RBKS: variants seen among roughly 807,000 people sequenced by gnomAD.
The protein encoded by RBKS is ribokinase.
RBKS carries 33 observed loss-of-function variants against 33.9 expected under a neutral mutation model. The ratio of observed to expected loss-of-function variants is 0.97; its 90% CI spans 0.74 to 1.30. RBKS has a LOEUF of 1.30. Among genes scored for constraint, RBKS ranks in the 50% most tolerant of loss-of-function variants. RBKS has a pLI of 0.00. For missense variants in RBKS, 361 were observed against 392.6 expected, an observed-to-expected ratio of 0.92 and a Z score of 0.68; for synonymous variants, 125 against 143.0, an observed-to-expected ratio of 0.87 and a Z score of 0.90.
intron 4 of RBKS, among the ~76,000 whole-genome samples, chr2:27,843,465 A>G (rs957818997): frequency 8.5e-5 from 13 of 152,214 alleles, no homozygotes; most frequent in African/African-American, 2.9e-4. Context: ...TCTTAAAAAG[A>G]TTTTCCCAAT....
chr2:27,860,932 TG>T (rs1468681938), intron 1 of RBKS, among the ~76,000 whole-genome samples: 1 of 152,142 alleles, frequency 6.6e-6, no homozygotes, highest in African/African-American at 2.4e-5. Flanking sequence ...AACAGATTTT[TG>T]TAAGAGTCTC....
intron 7 of RBKS, chr2:27,782,746 A>G: frequency 2.9e-6 from 1 of 346,724 alleles, no homozygotes; most frequent in Non-Finnish European, 6.3e-6. Context: ...CCCTTTTTTC[A>G]TGTTGTACTC....
intron 1 of RBKS, among the ~76,000 whole-genome samples, chr2:27,871,513 C>A (rs6734713): frequency 6.6e-6 from 1 of 152,090 alleles, no homozygotes; most frequent in African/African-American, 2.4e-5. Flanking sequence ...GTCTTTCCCC[C>A]CTTTTCAAAG....
intron 5 of RBKS, among the ~76,000 whole-genome samples, chr2:27,836,705 C>A (rs563067344): frequency 9.2e-5 from 14 of 152,204 alleles, no homozygotes; most frequent in African/African-American, 3.4e-4. Context: ...ATAGAGTAAA[C>A]AGAAAACCTA....
intron 7 of RBKS, among the ~76,000 whole-genome samples, chr2:27,819,270 T>C (rs1678153075): frequency 6.6e-6 from 1 of 151,998 alleles, no homozygotes; most frequent in Non-Finnish European, 1.5e-5. Flanking sequence ...CTCACATGAC[T>C]CTTTGTGTGC....
rs1340451789 is a variant in RBKS, at chr2:27,810,800, A to G, written c.795+16767T>C. ...CAGGCTGCCACCATCTCTCACCCAGATCAATACGACAGTCTCTGGACTGTT... is the reference window on the plus strand; with the variant it reads ...CAGGCTGCCACCATCTCTCACCCAGGTCAATACGACAGTCTCTGGACTGTT... On this transcript the variant is annotated intron_variant, in intron 7 of 7. Coordinates refer to ENST00000302188, the MANE Select transcript of RBKS (RefSeq NM_022128.3). This position sits in a 1 kb window ranked among gnomAD's most constrained non-coding sequence, Gnocchi z 4.4. Among the ~76,000 whole-genome samples, 1 of 152,120 alleles carries G rather than the reference A, an allele frequency of 6.6e-6. No individual in the cohort carries two copies. Among genetic ancestry groups the G allele is most frequent in the Non-Finnish European group, 1.5e-5 (1 of 68,024 alleles).
chr2:27,792,242 G>A (rs777870460), intron 7 of RBKS, among the ~76,000 whole-genome samples: 7 of 152,192 alleles, frequency 4.6e-5, no homozygotes, highest in Non-Finnish European at 5.9e-5. Flanking sequence ...TTCTGGCAGC[G>A]TGGGCTTTGG....
intron 7 of RBKS, among the ~76,000 whole-genome samples, chr2:27,791,998 G>C (rs542435417): frequency 3.9e-5 from 6 of 152,216 alleles, no homozygotes; most frequent in Admixed American, 2.6e-4. Flanking sequence ...TATTTTTTAA[G>C]AAGGCAGAGG....
At chr2:27,789,949 G>GTATATATATATATATATATGTGTATATA (rs1677484732) in intron 7 of RBKS, among the ~76,000 whole-genome samples, 1 of 121,512 alleles carries the variant, frequency 8.2e-6, no homozygotes, top group African/African-American at 3.3e-5. Context: ...ATGTATATGT[G>GTATATATATATATATATATGTGTATATA]TATATATATA....
chr2:27,882,154 T>G (rs544698406), intron 1 of RBKS, among the ~76,000 whole-genome samples: 1 of 151,936 alleles, frequency 6.6e-6, no homozygotes, highest in East Asian at 1.9e-4. Flanking sequence ...TGGGAGAAAA[T>G]TTTTGCAAAC....
intron 1 of RBKS, among the ~76,000 whole-genome samples, chr2:27,868,859 G>A (rs1170003466): frequency 6.6e-6 from 1 of 152,136 alleles, no homozygotes; most frequent in Non-Finnish European, 1.5e-5. Flanking sequence ...TCCTTTGGGA[G>A]TCCTAATATA....
chr2:27,831,933 T>C (rs1202122450), intron 6 of RBKS, among the ~76,000 whole-genome samples: 1 of 152,160 alleles, frequency 6.6e-6, no homozygotes, highest in Admixed American at 6.5e-5. Flanking sequence ...AAAGTAGAAA[T>C]TTAACTATTA....
chr2:27,832,908 C>A (rs1347341868), intron 5 of RBKS, 131 bp from the exon 6 acceptor site: 1 of 647,020 alleles, frequency 1.5e-6, no homozygotes, highest in Admixed American at 2.4e-5. Flanking sequence ...CACTTAGTTA[C>A]GGATGTAGAG....
At chr2:27,841,186 G>A (rs1387451183) in intron 5 of RBKS, among the ~76,000 whole-genome samples, 1 of 152,070 alleles carries the variant, frequency 6.6e-6, no homozygotes, top group East Asian at 1.9e-4. Context: ...AGGGTAGGCT[G>A]CCTGCCCATC....
chr2:27,874,149 A>G (rs4665400), intron 1 of RBKS, among the ~76,000 whole-genome samples: 149,866 of 152,330 alleles, frequency 0.98, 73,758 homozygotes, highest in East Asian at 1. Flanking sequence ...ATGACAAAAA[A>G]GTTGTTCATC....
intron 1 of RBKS, among the ~76,000 whole-genome samples, chr2:27,865,226 A>G (rs1402988488): frequency 1.3e-5 from 2 of 152,176 alleles, no homozygotes; most frequent in African/African-American, 2.4e-5. Flanking sequence ...AGGCTGAGGC[A>G]GGAGAATGGC....
At chr2:27,835,584 A>ATTT (rs34787188) in intron 5 of RBKS, among the ~76,000 whole-genome samples, 2 of 125,586 alleles carry the variant, frequency 1.6e-5, no homozygotes, top group Non-Finnish European at 3.4e-5. Flanking sequence ...TGCTTGGGCA[A>ATTT]TTTTTTTTTT....
chr2:27,864,639 A>T (rs1664052537), intron 1 of RBKS, among the ~76,000 whole-genome samples: 1 of 150,014 alleles, frequency 6.7e-6, no homozygotes, highest in Admixed American at 6.7e-5. Flanking sequence ...TCCCTTCTTA[A>T]TATAATTTTT....
At chr2:27,883,662 T>C (rs1664465479) in intron 1 of RBKS, among the ~76,000 whole-genome samples, 1 of 152,132 alleles carries the variant, frequency 6.6e-6, no homozygotes, top group African/African-American at 2.4e-5. Flanking sequence ...GGCAAAGGAA[T>C]GGATTGCTAA....
Sources: allele counts gnomAD v4.1 joint callset (sites outside exome capture counted in the v4.1 genomes callset), GRCh38; gene constraint gnomAD v4.1.1; non-coding constraint Gnocchi (gnomAD v3.1); transcripts MANE v1.5; gene names NCBI Gene and HGNC (gene_info 2026-07-23, HGNC 2026-07-21).